The following RHBDF2 variants were observed in gnomAD, a reference collection of about 807,000 sequenced individuals.
RHBDF2 encodes inactive rhomboid protein 2.
A neutral mutation model predicts 95.2 loss-of-function variants in RHBDF2; 38 were observed. That is an observed-to-expected ratio of 0.40 (90% confidence interval 0.31 to 0.52). RHBDF2 has a LOEUF of 0.52. Ranked by LOEUF, RHBDF2 falls within the 20% of genes least tolerant of loss-of-function variation. The pLI, the probability that RHBDF2 is intolerant of heterozygous loss-of-function variation, is 0.56. For missense variants in RHBDF2, 863 were observed against 1,137.7 expected, an observed-to-expected ratio of 0.76 and a Z score of 3.47; for synonymous variants, 442 against 462.0, an observed-to-expected ratio of 0.96 and a Z score of 0.55.
chr17:76,494,357 G>T (rs2074384140), intron 1 of RHBDF2, among the ~76,000 whole-genome samples: 1 of 152,176 alleles, frequency 6.6e-6, no homozygotes, highest in Non-Finnish European at 1.5e-5. Flanking sequence ...CACAGGGGTG[G>T]GCACCAAAGG....
chr17:76,477,550 G>A, intron 7 of RHBDF2, 107 bp downstream of exon 7: 5 of 1,286,638 alleles, frequency 3.9e-6, no homozygotes, highest in Non-Finnish European at 5.5e-6. Flanking sequence ...CCAGCAGTGG[G>A]CCTCTGGGTC....
At chr17:76,480,366 C>T (rs2073928465) in intron 3 of RHBDF2, among the ~76,000 whole-genome samples, 1 of 151,818 alleles carries the variant, frequency 6.6e-6, no homozygotes, top group African/African-American at 2.4e-5. Context: ...GGATTACAGG[C>T]ATGAGCTACC....
intron 1 of RHBDF2, among the ~76,000 whole-genome samples, chr17:76,488,662 G>T (rs2074211313): frequency 6.6e-6 from 1 of 151,794 alleles, no homozygotes; most frequent in African/African-American, 2.4e-5. Flanking sequence ...ACAAAAATTA[G>T]CCGGGGCTGG....
rs749315127 is a variant in RHBDF2, at chr17:76,472,698, T to C, written c.2052A>G (p.Pro684=). 1.2e-6 allele frequency: 2 copies of C among 1,613,918 alleles called. No individual in the cohort carries two copies. The highest frequency in any genetic ancestry group is 2.7e-5 in the African/African-American group (2 of 74,912). The change falls in exon 18 of 19, where the codon CCA becomes CCG. Residue 684 remains proline (P), a synonymous_variant. Coordinates refer to ENST00000675367, the MANE Select transcript of RHBDF2 (RefSeq NM_001005498.4). The part of the protein sequence containing the change: ...TGNLASAIFL[P]YRAEVGPAGS... ...TCCACATCCTTACCTCTGCCCGGTA[T>C]GGGAGAAAGATGGCACTGGCGAGGT... is the stretch of plus-strand genomic sequence containing the variant.
Position 76,481,290 on chromosome 17 carries a change from G to C in RHBDF2, c.150+85C>G, listed in dbSNP as rs1344290521. The C allele has an allele frequency of 7.5e-6, 11 of 1,463,968 alleles. No homozygotes were observed. The East Asian group carries it at 2.3e-4, about 30-fold the overall frequency. 90.7% of individuals were successfully genotyped at this position (1,463,968 alleles called of 1,614,324 possible). A position where few individuals can be genotyped will look rare whatever the true frequency, so the allele number is the denominator to read the frequency against. ...CTGTGGCTCAGGAAGGAGCCCCTCT[G>C]GGAAGTGAAACTGACCAGAAAGTGT... On this transcript the variant is annotated intron_variant, in intron 3 of 18. Transcript: ENST00000675367.
chr17:76,475,001 C>T (rs1432041604), intron 10 of RHBDF2, 29 bp downstream of exon 10: 2 of 1,528,988 alleles, frequency 1.3e-6, no homozygotes, highest in East Asian at 4.7e-5. Context: ...GAGGCTGGGA[C>T]CCCCAGCATG....
In RHBDF2 at chr17:76,472,005, C is replaced by G; in HGVS notation, c.2112G>C (p.Val704=). ...SQFGLLACLF[V]ELFQSWPLLE... ...GCAGCGGCCAGCTCTGGAAGAGCTC[C>G]ACGAAGAGGCAGGCGAGGAGGCCGA... is the stretch of plus-strand genomic sequence containing the variant. Residue 704 remains valine (V), a synonymous_variant, in exon 19 of 19, where the codon GTG becomes GTC. Transcript: ENST00000675367. 6.3e-7 allele frequency: 1 copy of G among 1,576,386 alleles called. No homozygotes were observed. The highest frequency in any genetic ancestry group is 8.6e-7 in the Non-Finnish European group (1 of 1,160,822).
intron 2 of RHBDF2, among the ~76,000 whole-genome samples, chr17:76,485,856 C>A (rs932144383): frequency 6.6e-6 from 1 of 152,132 alleles, no homozygotes; most frequent in African/African-American, 2.4e-5. Flanking sequence ...GGGACAGGAG[C>A]CAGTCACGAT....
At chr17:76,490,157 G>A (rs890847709) in intron 1 of RHBDF2, among the ~76,000 whole-genome samples, 1 of 152,230 alleles carries the variant, frequency 6.6e-6, no homozygotes, top group Non-Finnish European at 1.5e-5. Flanking sequence ...GACATTTGGG[G>A]AGCAGAATGC....
At chr17:76,490,603 T>C (rs1598161416) in intron 1 of RHBDF2, among the ~76,000 whole-genome samples, 1 of 151,908 alleles carries the variant, frequency 6.6e-6, no homozygotes, top group African/African-American at 2.4e-5. Flanking sequence ...GGTGCAAGGG[T>C]GGGGCCTCCA....
At position 76,474,750 on chromosome 17, in the gene RHBDF2, A is replaced by C. The variant is rs767196340; in HGVS notation, c.1282T>G (p.Phe428Val). 1 of 1,614,122 alleles carries C rather than the reference A, an allele frequency of 6.2e-7. No individual in the cohort carries two copies. Among genetic ancestry groups the C allele is most frequent in the South Asian group, 1.1e-5 (1 of 91,078 alleles). ...ESVKYIQQEN[F>V]WVGPSSIDLI... ...CTCACCGAGCTGGGGCCAACCCAGA[A>C]GTTCTCCTGCTGGATGTACTTCACG... The change falls in exon 11 of 19, where the codon TTC becomes GTC. Residue 428 changes from phenylalanine (F) to valine (V), a missense_variant. This residue lies in a region of RHBDF2 where 611 missense variants were observed against 725.5 expected (regional missense o/e 0.84). Coordinates refer to ENST00000675367, the MANE Select transcript of RHBDF2 (RefSeq NM_001005498.4).
At chr17:76,480,408 A>G (rs556817752) in intron 3 of RHBDF2, among the ~76,000 whole-genome samples, 1 of 151,382 alleles carries the variant, frequency 6.6e-6, no homozygotes, top group South Asian at 2.1e-4. Flanking sequence ...TTTTTGGGAC[A>G]GAGTCTTGCT....
At chr17:76,489,550 CCT>C (rs1423724049) in intron 1 of RHBDF2, among the ~76,000 whole-genome samples, 7 of 152,150 alleles carry the variant, frequency 4.6e-5, no homozygotes, top group African/African-American at 1.7e-4. Flanking sequence ...GTCTCGATCC[CCT>C]GACCTCGTGA....
intron 1 of RHBDF2, among the ~76,000 whole-genome samples, chr17:76,499,461 T>G (rs1890402080): frequency 6.6e-6 from 1 of 152,204 alleles, no homozygotes; most frequent in Non-Finnish European, 1.5e-5. Flanking sequence ...GGGGGCCACC[T>G]GGCCTGTGCT....
At chr17:76,488,468 C>G (rs1348660503) in intron 1 of RHBDF2, among the ~76,000 whole-genome samples, 1 of 151,258 alleles carries the variant, frequency 6.6e-6, no homozygotes, top group East Asian at 2.0e-4. Flanking sequence ...CCATTACACT[C>G]CAGCCTGGGC....
chr17:76,476,894 G>A lies in RHBDF2; in HGVS notation c.1051C>T (p.Arg351Cys). 3 of 1,613,048 alleles carry A rather than the reference G, an allele frequency of 1.9e-6. No homozygotes were observed. The highest frequency in any genetic ancestry group is 1.7e-4 in the Middle Eastern group (1 of 6,016). ...CTGCTGATGCTGCGGCGGTAGCTGC[G>A]GTTCAGCCAGTTGCCCACCACGCCG... ...GLGVVGNWLN[R>C]SYRRSISSTV... The change falls in exon 9 of 19, where the codon CGC becomes TGC. Residue 351 changes from arginine (R) to cysteine (C), a missense_variant. Transcript: ENST00000675367.
intron 1 of RHBDF2, among the ~76,000 whole-genome samples, chr17:76,500,753 G>C (rs1222863026): frequency 2.0e-5 from 3 of 152,186 alleles, no homozygotes; most frequent in Non-Finnish European, 4.4e-5. Flanking sequence ...GGCCAAACAG[G>C]TAAAAGGCAA....
chr17:76,473,202 G>A, intron 16 of RHBDF2, 50 bp downstream of exon 16: 6 of 1,592,142 alleles, frequency 3.8e-6, no homozygotes, highest in Non-Finnish European at 5.2e-6. Context: ...CCAGCAGGCT[G>A]CCATGCCCAG....
chr17:76,485,597 CAA>C (rs764644389), intron 2 of RHBDF2, among the ~76,000 whole-genome samples: 124 of 152,110 alleles, frequency 8.2e-4, no homozygotes, highest in Middle Eastern at 3.4e-3. Context: ...CCGTCTCAAA[CAA>C]CAACAAAAAA....
Sources: gnomAD v4.1 joint callset for allele counts (sites outside exome capture counted in the v4.1 genomes callset) on GRCh38, gnomAD v4.1.1 for gene constraint, gnomAD v4.1.1 regional missense constraint, MANE v1.5 for transcripts, NCBI Gene and HGNC (gene_info 2026-07-23, HGNC 2026-07-21) for gene names.